The following ANKRD11 variants were observed in gnomAD, a reference collection of about 807,000 sequenced individuals.
ANKRD11 encodes ankyrin repeat domain-containing protein 11.
In ANKRD11, 17 loss-of-function variants were observed where a neutral mutation model predicts 195.7. The ratio of observed to expected loss-of-function variants is 0.09; its 90% CI spans 0.06 to 0.13. The LOEUF (loss-of-function observed/expected upper bound fraction) is 0.13. Ranked by LOEUF, ANKRD11 falls within the 10% of genes least tolerant of loss-of-function variation. ANKRD11 has a pLI of 1.00. For synonymous variants in ANKRD11, 1,953 were observed against 1,528.1 expected (o/e 1.28, Z -6.49); for missense variants, 3,735 against 3,566.1 (o/e 1.05, Z -1.21).
At chr16:89,402,480 G>C (rs1404680924) in intron 2 of ANKRD11, among the ~76,000 whole-genome samples, 7 of 152,012 alleles carry the variant, frequency 4.6e-5, no homozygotes, top group Admixed American at 3.3e-4. Flanking sequence ...AAGAGTTCAA[G>C]AGCATCCTGG....
At chr16:89,431,288 A>C (rs2042966257) in intron 1 of ANKRD11, 1 of 152,628 alleles carries the variant, frequency 6.6e-6, no homozygotes. Flanking sequence ...GTTCACCGAC[A>C]AATCCCGTGT....
At chr16:89,305,434 T>A (rs1045211269) in intron 3 of ANKRD11, 90 bp from the exon 4 acceptor site, 3 of 1,559,642 alleles carry the variant, frequency 1.9e-6, no homozygotes, top group African/African-American at 2.7e-5. Flanking sequence ...GAGAAGCGCA[T>A]CTCTTATTTG....
chr16:89,361,319 C>T (rs1567699504), intron 2 of ANKRD11, among the ~76,000 whole-genome samples: 2 of 152,224 alleles, frequency 1.3e-5, no homozygotes, highest in African/African-American at 4.8e-5. Flanking sequence ...AGAACCATCA[C>T]AGCGCCGGGG....
chr16:89,329,397 A>G (rs1216915872), intron 2 of ANKRD11, among the ~76,000 whole-genome samples: 1 of 152,214 alleles, frequency 6.6e-6, no homozygotes. Context: ...CACAGAAAAA[A>G]GGAAAAAAAA....
chr16:89,276,275 C>G (rs190447820), intron 9 of ANKRD11, among the ~76,000 whole-genome samples: 191 of 152,316 alleles, frequency 1.3e-3, no homozygotes, highest in African/African-American at 4.5e-3. Context: ...TTAGCGGACA[C>G]AGGAGAGGGA....
chr16:89,275,254 T>C (rs2033552141), intron 9 of ANKRD11, 63 bp from the exon 10 acceptor site: 2 of 1,441,492 alleles, frequency 1.4e-6, no homozygotes, highest in Non-Finnish European at 1.9e-6. Flanking sequence ...AAGGATATAG[T>C]CTGGAGTTCA....
intron 2 of ANKRD11, among the ~76,000 whole-genome samples, chr16:89,330,872 C>T (rs936131965): frequency 6.6e-6 from 1 of 152,146 alleles, no homozygotes; most frequent in Non-Finnish European, 1.5e-5. Flanking sequence ...TGATTAAAAC[C>T]TGGTAATTTG....
At chr16:89,372,883 T>A (rs1332316241) in intron 2 of ANKRD11, 1 of 152,210 alleles carries the variant, frequency 6.6e-6, no homozygotes, top group African/African-American at 2.4e-5. Context: ...TGGTCCCCGT[T>A]TACGGACCCC....
Position 89,477,136 on chromosome 16 carries a change from T to C in ANKRD11, c.-145+13109A>G, listed in dbSNP as rs115679169. 1.3e-3 allele frequency among the ~76,000 whole-genome samples: 193 copies of C among 152,120 alleles called. 1 individual carries two copies. The highest frequency in any genetic ancestry group is 4.4e-3 in the African/African-American group (184 of 41,528). ...CGAGAGAATTAGCTAGTTAAATTTA[T>C]ATCTCAGAAAACAGGCACAATAGAA... is the stretch of plus-strand genomic sequence containing the variant. On this transcript the variant is annotated intron_variant, in intron 1 of 12. Coordinates refer to ENST00000301030, the MANE Select transcript of ANKRD11 (RefSeq NM_013275.6).
chr16:89,441,697 G>T (rs1470440641), intron 1 of ANKRD11, among the ~76,000 whole-genome samples: 1 of 137,506 alleles, frequency 7.3e-6, no homozygotes. Context: ...AACCCAGGAG[G>T]CGGACTATGC....
intron 1 of ANKRD11, among the ~76,000 whole-genome samples, chr16:89,474,201 T>C (rs1479772346): frequency 6.6e-6 from 1 of 152,062 alleles, no homozygotes; most frequent in Non-Finnish European, 1.5e-5. Flanking sequence ...ACCCAACACC[T>C]AGATTGCAAC....
At chr16:89,433,599 C>T (rs952954438) in intron 1 of ANKRD11, among the ~76,000 whole-genome samples, 1 of 151,186 alleles carries the variant, frequency 6.6e-6, no homozygotes, top group African/African-American at 2.4e-5. Context: ...CCACCTTCAC[C>T]AGAGTAAGAG....
chr16:89,364,131 T>C (rs902934271), intron 2 of ANKRD11, among the ~76,000 whole-genome samples: 4 of 152,158 alleles, frequency 2.6e-5, no homozygotes. Flanking sequence ...ACATGGAGCC[T>C]TTCTTTCCAG....
chr16:89,354,820 G>A (rs1256069553), intron 2 of ANKRD11, among the ~76,000 whole-genome samples: 2 of 152,118 alleles, frequency 1.3e-5, no homozygotes, highest in African/African-American at 4.8e-5. Context: ...CCAGGAGGCG[G>A]AGGTTGCAGT....
At chr16:89,411,370 T>G (rs1477447672) in intron 2 of ANKRD11, among the ~76,000 whole-genome samples, 1 of 152,250 alleles carries the variant, frequency 6.6e-6, no homozygotes, top group East Asian at 1.9e-4. Flanking sequence ...CAGGCTGCCC[T>G]GGCTGGGCCA....
At chr16:89,406,841 T>C (rs924745412) in intron 2 of ANKRD11, among the ~76,000 whole-genome samples, 4 of 151,930 alleles carry the variant, frequency 2.6e-5, no homozygotes, top group African/African-American at 4.8e-5. Flanking sequence ...CTGTGGAATA[T>C]GGAAGGGGAA....
rs75012888 is a variant in ANKRD11 at position 89,418,361 on chromosome 16, T to C, written c.-137A>G. Reference sequence around the variant, plus strand: ...GGAGGTGTGTCCCAGAGCAGGGCTGTATATATTCTGAAACAAGAGAGTGAG... The same window carrying C: ...GGAGGTGTGTCCCAGAGCAGGGCTGCATATATTCTGAAACAAGAGAGTGAG... On this transcript the variant is annotated 5_prime_UTR_variant, in exon 2 of 13. The change creates a new upstream start codon in the 5' untranslated region. Coordinates refer to ENST00000301030, the MANE Select transcript of ANKRD11 (RefSeq NM_013275.6). 2,172 of 444,316 alleles carry C rather than the reference T, an allele frequency of 4.9e-3. 10 individuals carry two copies. Among genetic ancestry groups the C allele is most frequent in the Non-Finnish European group, 6.6e-3 (1,449 of 221,112 alleles). 27.5% of individuals were successfully genotyped at this position (444,316 alleles called of 1,614,324 possible). A position where few individuals can be genotyped will look rare whatever the true frequency, so the allele number is the denominator to read the frequency against.
chr16:89,341,983 C>T (rs1207311590), intron 2 of ANKRD11, among the ~76,000 whole-genome samples: 7 of 149,916 alleles, frequency 4.7e-5, no homozygotes, highest in African/African-American at 1.7e-4. Context: ...AGTGCTGCAC[C>T]TCCACCCACA....
intron 4 of ANKRD11, among the ~76,000 whole-genome samples, chr16:89,292,668 A>G (rs1213110115): frequency 6.6e-6 from 1 of 152,230 alleles, no homozygotes; most frequent in Admixed American, 6.5e-5. Context: ...TAGTCTGTAA[A>G]CAGTCCTCAA....
Sources: allele counts gnomAD v4.1 joint callset (sites outside exome capture counted in the v4.1 genomes callset), GRCh38; gene constraint gnomAD v4.1.1; transcripts MANE v1.5; gene names NCBI Gene and HGNC (gene_info 2026-07-23, HGNC 2026-07-21).